Variants in ACTR8 observed in about 807,000 individuals in gnomAD.
The protein encoded by ACTR8 is actin-related protein 8.
ACTR8 carries 70 observed loss-of-function variants against 84.3 expected under a neutral mutation model. The ratio of observed to expected loss-of-function variants is 0.83; its 90% CI spans 0.68 to 1.01. The LOEUF (loss-of-function observed/expected upper bound fraction) is 1.01. Among genes scored for constraint, ACTR8 ranks in the 50% least tolerant of loss-of-function variants. ACTR8 has a pLI of 0.00. For missense variants in ACTR8, 672 were observed against 775.4 expected (o/e 0.87, Z 1.58); for synonymous variants, 268 against 275.2 (o/e 0.97, Z 0.26).
Position 53,868,694 on chromosome 3 carries a change from T to A in ACTR8, c.*25A>T. ...TATACCAAGAAGCTTGTTTTTGGTC[T>A]TCGGCAGTGACATTTCCTCCCCATT... On this transcript the variant is annotated 3_prime_UTR_variant, in exon 13 of 13. Transcript: ENST00000335754. 1 of 1,611,728 alleles carries A rather than the reference T, an allele frequency of 6.2e-7. No homozygotes were observed. Among genetic ancestry groups the A allele is most frequent in the Middle Eastern group, 1.7e-4 (1 of 6,042 alleles).
At position 53,871,411 on chromosome 3, in the gene ACTR8, GGAAGATCAGAGGACTGGCCAC is replaced by G; in HGVS notation, c.1367_1387del (p.Arg456_Leu462del). On this transcript the variant is annotated inframe_deletion, in exon 11 of 13. Transcript: ENST00000335754. ...TACCTCCTGGGAATGGAGTCTTTCT[GGAAGATCAGAGGACTGGCCAC>G]GAAGATCCCCTTCAAATCCAATAGG... 1.9e-6 allele frequency: 3 copies of G among 1,614,220 alleles called. No individual in the cohort carries two copies. Among genetic ancestry groups the G allele is most frequent in the Non-Finnish European group, 2.5e-6 (3 of 1,180,050 alleles).
downstream of ACTR8, chr3:53,864,901 T>G (rs1378913653): frequency 6.2e-7 from 1 of 1,614,086 alleles, no homozygotes; most frequent in Admixed American, 1.7e-5. Context: ...CCTTGAAAAG[T>G]GGCAGAAAAA....
chr3:53,877,599 G>A, intron 4 of ACTR8, 48 bp downstream of exon 4: 1 of 1,563,160 alleles, frequency 6.4e-7, no homozygotes, highest in Non-Finnish European at 8.8e-7. Flanking sequence ...ATTTTAGGAG[G>A]AGGATCAGCT....
chr3:53,865,009 T>C (rs1308844964), downstream of ACTR8: 1 of 1,614,188 alleles, frequency 6.2e-7, no homozygotes, highest in Non-Finnish European at 8.5e-7. Flanking sequence ...CAACAGTGTG[T>C]GCGATGGTAC....
At chr3:53,868,919 T>G in intron 12 of ACTR8, 57 bp from the exon 13 acceptor site, 2 of 1,567,924 alleles carry the variant, frequency 1.3e-6, no homozygotes, top group Middle Eastern at 3.4e-4. Flanking sequence ...ACTCAATCAT[T>G]TACTTGAATA....
chr3:53,864,312 G>A (rs184580263), downstream of ACTR8, among the ~76,000 whole-genome samples: 16 of 152,316 alleles, frequency 1.1e-4, no homozygotes, highest in East Asian at 2.1e-3. Flanking sequence ...CCAGGCGGGC[G>A]GAACACGAGG....
At chr3:53,861,153 G>T in the ACTR8 span, 1 of 152,058 alleles carries the variant, frequency 6.6e-6, no homozygotes, top group Non-Finnish European at 1.5e-5. Flanking sequence ...ACAGTAAAAA[G>T]TATCTCCAGT....
rs952513900 is a variant in ACTR8 at position 53,867,914 on chromosome 3, G to A, written c.*805C>T. 2.0e-5 allele frequency: 3 copies of A among 152,188 alleles called. No homozygotes were observed. Among genetic ancestry groups the A allele is most frequent in the African/African-American group, 7.2e-5 (3 of 41,436 alleles). The allele number at this position is 152,188 out of a possible 1,614,324, so 9.4% of individuals were successfully genotyped here. On this transcript the variant is annotated 3_prime_UTR_variant, in exon 13 of 13. Transcript: ENST00000335754. ...TTGAGGCTTGATGACTAAGTTGGTA[G>A]TATTAATAACTACATCAGTCACCAT...
In ACTR8 at chr3:53,877,334, T is replaced by C; in HGVS notation, c.564A>G (p.Arg188=). 1 of 1,614,026 alleles carries C rather than the reference T, an allele frequency of 6.2e-7. No individual in the cohort carries two copies. ...DCYNIHWPIR[R]GQLNIHPGPG... Reference sequence around the variant, plus strand: ...GGCCTGGGTGAATATTTAACTGACCTCTTCTGATAGGCCAGTGAATATTGT... The same window carrying C: ...GGCCTGGGTGAATATTTAACTGACCCCTTCTGATAGGCCAGTGAATATTGT... The change falls in exon 5 of 13, where the codon AGA becomes AGG. Residue 188 remains arginine, a synonymous_variant. Transcript: ENST00000335754.
chr3:53,865,287 C>A (rs142187324), downstream of ACTR8: 1 of 1,606,712 alleles, frequency 6.2e-7, no homozygotes, highest in Non-Finnish European at 8.5e-7. Flanking sequence ...AAGCCTGCCA[C>A]GATGGCTGCT....
At chr3:53,869,224 T>C (rs1699846631) in intron 12 of ACTR8, among the ~76,000 whole-genome samples, 2 of 152,214 alleles carry the variant, frequency 1.3e-5, no homozygotes, top group African/African-American at 4.8e-5. Context: ...GAGGTTGCAG[T>C]GAGCCAAGAT....
chr3:53,864,396 G>A (rs1019506798), downstream of ACTR8, among the ~76,000 whole-genome samples: 7 of 152,228 alleles, frequency 4.6e-5, no homozygotes, highest in South Asian at 4.1e-4. Context: ...TTAGCCAGGC[G>A]TGGTGGCGGG....
chr3:53,878,815 C>T (rs1187613597), intron 2 of ACTR8, among the ~76,000 whole-genome samples: 2 of 152,102 alleles, frequency 1.3e-5, no homozygotes, highest in Non-Finnish European at 2.9e-5. Flanking sequence ...GAGAGCAAGA[C>T]CCTGTCTCAA....
intron 8 of ACTR8, among the ~76,000 whole-genome samples, chr3:53,873,648 G>A (rs1699921826): frequency 6.6e-6 from 1 of 151,958 alleles, no homozygotes; most frequent in Non-Finnish European, 1.5e-5. Flanking sequence ...CTTTTATCAG[G>A]ATGAGACAGA....
chr3:53,866,356 C>T (rs1268914524), downstream of ACTR8, among the ~76,000 whole-genome samples: 1 of 131,208 alleles, frequency 7.6e-6, no homozygotes, highest in Admixed American at 7.5e-5. Context: ...TGCACTCCAT[C>T]CTGGGTGAGA....
chr3:53,875,469 C>A (rs1699950979), intron 7 of ACTR8, among the ~76,000 whole-genome samples: 1 of 152,208 alleles, frequency 6.6e-6, no homozygotes, highest in African/African-American at 2.4e-5. Flanking sequence ...TAGTTATTTT[C>A]TTTACCTGTC....
Position 53,881,706 on chromosome 3 carries a change from G to A in ACTR8, c.123+273C>T, listed in dbSNP as rs1355916859. ...GTCGGGGAAGCTGAGGCCAGAGCCC[G>A]GGCAGGAGCGCACACAACCAGACGG... On this transcript the variant is annotated intron_variant, in intron 1 of 12. Transcript: ENST00000335754. 8 of 539,892 alleles carry A rather than the reference G, an allele frequency of 1.5e-5. No individual in the cohort carries two copies. In the East Asian group the frequency reaches 2.4e-4, roughly 16 times the overall value. The allele number at this position is 539,892 out of a possible 1,614,324, so 33.4% of individuals were successfully genotyped here. A position where few individuals can be genotyped will look rare whatever the true frequency, so the allele number is the denominator to read the frequency against.
At chr3:53,865,612 GACCATGCATTGCAGTGT>G, downstream of ACTR8, 1 of 306,442 alleles carries the variant, frequency 3.3e-6, no homozygotes, top group East Asian at 6.7e-5. Context: ...GTCTTCCATA[GACCATGCATTGCAGTGT>G]ACCCAGAACT....
At chr3:53,860,250 A>C in the ACTR8 span, 1 of 1,561,008 alleles carries the variant, frequency 6.4e-7, no homozygotes, top group Non-Finnish European at 8.8e-7. Context: ...AATTCTTTAA[A>C]GACATCCTAG....
Sources: allele counts gnomAD v4.1 joint callset (sites outside exome capture counted in the v4.1 genomes callset), GRCh38; gene constraint gnomAD v4.1.1; transcripts MANE v1.5; gene names NCBI Gene and HGNC (gene_info 2026-07-23, HGNC 2026-07-21).